Variants in XPR1 observed in about 807,000 individuals in gnomAD.
The protein encoded by XPR1 is solute carrier family 53 member 1.
XPR1 carries 28 observed loss-of-function variants against 87.5 expected under a neutral mutation model. The observed-to-expected ratio is 0.32, with a 90% confidence interval of 0.24 to 0.44. XPR1 has a LOEUF of 0.44. Ranked by LOEUF, XPR1 falls within the 20% of genes least tolerant of loss-of-function variation. XPR1 has a pLI of 1.00. For missense variants in XPR1, 559 were observed against 862.3 expected (o/e 0.65, Z 4.41); for synonymous variants, 300 against 306.1 (o/e 0.98, Z 0.21).
intron 2 of XPR1, among the ~76,000 whole-genome samples, chr1:180,744,800 A>G (rs1659034108): frequency 6.6e-6 from 1 of 151,458 alleles, no homozygotes; most frequent in Non-Finnish European, 1.5e-5. Flanking sequence ...ACAGGCACAT[A>G]CCACCACACC....
intron 2 of XPR1, among the ~76,000 whole-genome samples, chr1:180,688,612 C>T (rs188658993): frequency 6.6e-6 from 1 of 152,190 alleles, no homozygotes; most frequent in East Asian, 1.9e-4. Context: ...GTGCATCAGT[C>T]AGTCATACCT....
intron 13 of XPR1, among the ~76,000 whole-genome samples, chr1:180,878,855 C>T (rs1192294571): frequency 1.3e-5 from 2 of 152,202 alleles, no homozygotes; most frequent in Non-Finnish European, 2.9e-5. Flanking sequence ...CCTCCTCCCC[C>T]CAAACTTTTA....
At chr1:180,709,713 C>T (rs1036787085) in intron 2 of XPR1, among the ~76,000 whole-genome samples, 2 of 152,120 alleles carry the variant, frequency 1.3e-5, no homozygotes, top group Admixed American at 6.5e-5. Context: ...TTAGTCATTA[C>T]AATAGGAATG....
intron 2 of XPR1, among the ~76,000 whole-genome samples, chr1:180,728,485 T>G (rs1571773206): frequency 6.6e-6 from 1 of 152,190 alleles, no homozygotes; most frequent in African/African-American, 2.4e-5. Flanking sequence ...TCAGACTTAA[T>G]TGGACAGATG....
intron 13 of XPR1, among the ~76,000 whole-genome samples, chr1:180,877,474 A>G (rs560806102): frequency 1.3e-3 from 192 of 152,336 alleles, no homozygotes; most frequent in African/African-American, 4.4e-3. Context: ...CTGGATATCC[A>G]TATGGAAAAA....
chr1:180,770,080 TAGTC>T (rs1648450737), intron 2 of XPR1, among the ~76,000 whole-genome samples: 1 of 152,242 alleles, frequency 6.6e-6, no homozygotes, highest in Admixed American at 6.5e-5. Context: ...ATTATTTCAT[TAGTC>T]AGCATATCTC....
chr1:180,882,300 A>C (rs748627599), intron 14 of XPR1, among the ~76,000 whole-genome samples: 2 of 152,206 alleles, frequency 1.3e-5, no homozygotes, highest in Non-Finnish European at 2.9e-5. Context: ...GAGTTTCAGT[A>C]CTGACTTTAT....
chr1:180,760,625 A>G (rs1647981387), intron 2 of XPR1, among the ~76,000 whole-genome samples: 1 of 152,236 alleles, frequency 6.6e-6, no homozygotes. Flanking sequence ...GGATACAAGC[A>G]AATGGAAGAA....
At chr1:180,833,389 GAT>G (rs1651141246) in intron 9 of XPR1, among the ~76,000 whole-genome samples, 1 of 152,070 alleles carries the variant, frequency 6.6e-6, no homozygotes, top group African/African-American at 2.4e-5. Flanking sequence ...TGGCAAATTG[GAT>G]AAAGAGTCAA....
In XPR1 at chr1:180,803,466, G is replaced by A. The variant is rs1224126379; in HGVS notation, c.302G>A (p.Ser101Asn). ...LQSSLDAQKE[S>N]TGVTTLRQRR... ...TCATCACTGGATGCACAGAAAGAAA[G>A]CACTGGTGTTACTACGCTGCGACAA... The change falls in exon 4 of 15, where the codon AGC becomes AAC. Residue 101 changes from serine to asparagine, a missense_variant. Around this residue, in one of 7 missense-constraint regions of XPR1, gnomAD observed 159 missense variants for 263.3 expected, o/e 0.60. Coordinates refer to ENST00000367590, the MANE Select transcript of XPR1 (RefSeq NM_004736.4). The A allele has an allele frequency of 1.2e-6, 2 of 1,614,082 alleles. No individual in the cohort carries two copies. The highest frequency in any genetic ancestry group is 1.7e-6 in the Non-Finnish European group (2 of 1,179,994).
chr1:180,801,733 G>A (rs1418899650), intron 3 of XPR1, among the ~76,000 whole-genome samples: 1 of 151,628 alleles, frequency 6.6e-6, no homozygotes, highest in African/African-American at 2.4e-5. Context: ...ATAATTCTTT[G>A]TTATTATTAT....
chr1:180,715,804 C>G (rs1229086894), intron 2 of XPR1, among the ~76,000 whole-genome samples: 1 of 152,018 alleles, frequency 6.6e-6, no homozygotes, highest in Admixed American at 6.5e-5. Context: ...TCCTGAGTAG[C>G]TGGAATTACA....
At chr1:180,738,581 T>C (rs1415017816) in intron 2 of XPR1, among the ~76,000 whole-genome samples, 1 of 152,252 alleles carries the variant, frequency 6.6e-6, no homozygotes, top group Non-Finnish European at 1.5e-5. Context: ...TTCAGAGTTA[T>C]GTAACCATCA....
intron 2 of XPR1, among the ~76,000 whole-genome samples, chr1:180,710,920 C>T (rs1657754008): frequency 6.6e-6 from 1 of 152,074 alleles, no homozygotes; most frequent in South Asian, 2.1e-4. Flanking sequence ...CGGAGACGCT[C>T]CTCACTTCCC....
intron 7 of XPR1, among the ~76,000 whole-genome samples, chr1:180,812,074 T>C (rs1467730270): frequency 1.3e-5 from 2 of 152,182 alleles, no homozygotes; most frequent in Non-Finnish European, 2.9e-5. Context: ...CCAAAGAATT[T>C]GACACACCCC....
At chr1:180,681,160 G>A (rs1463139890) in intron 1 of XPR1, among the ~76,000 whole-genome samples, 3 of 152,136 alleles carry the variant, frequency 2.0e-5, no homozygotes, top group Non-Finnish European at 4.4e-5. Flanking sequence ...ACTGTAGGCT[G>A]ACTATAGTTA....
intron 2 of XPR1, among the ~76,000 whole-genome samples, chr1:180,706,059 A>G (rs1557966287): frequency 6.6e-6 from 1 of 152,230 alleles, no homozygotes; most frequent in Non-Finnish European, 1.5e-5. Flanking sequence ...TTAGTAGAAC[A>G]CTTAAAATGA....
intron 2 of XPR1, among the ~76,000 whole-genome samples, chr1:180,732,150 G>A (rs935701058): frequency 2.8e-5 from 4 of 144,776 alleles, no homozygotes; most frequent in African/African-American, 5.2e-5. Context: ...TTGAGATTGC[G>A]CCACTGCACT....
intron 2 of XPR1, among the ~76,000 whole-genome samples, chr1:180,709,516 T>G (rs1201385088): frequency 6.6e-6 from 1 of 152,246 alleles, no homozygotes; most frequent in Non-Finnish European, 1.5e-5. Context: ...TTGATCAGTT[T>G]ACATTTTCTA....
Sources: gnomAD v4.1 joint callset for allele counts (sites outside exome capture counted in the v4.1 genomes callset) on GRCh38, gnomAD v4.1.1 for gene constraint, gnomAD v4.1.1 regional missense constraint, MANE v1.5 for transcripts, NCBI Gene and HGNC (gene_info 2026-07-23, HGNC 2026-07-21) for gene names.